The following CPEB3 variants were observed in gnomAD, a reference collection of about 807,000 sequenced individuals.
The protein encoded by CPEB3 is cytoplasmic polyadenylation element-binding protein 3.
Under a neutral mutation model 67.2 loss-of-function variants are expected in CPEB3, and 20 were observed. The ratio of observed to expected loss-of-function variants is 0.30; its 90% confidence interval spans 0.21 to 0.43. The LOEUF (loss-of-function observed/expected upper bound fraction) is 0.43. CPEB3 is among the 20% of genes least tolerant of loss of function. The probability of loss-of-function intolerance (pLI) is 1.00; values close to 1 mark genes in which losing one functional copy is unlikely to be tolerated. For synonymous variants in CPEB3, 376 were observed against 393.1 expected (o/e 0.96, Z 0.51); for missense variants, 746 against 968.6 (o/e 0.77, Z 3.05).
chr10:92,284,897 G>A (rs957955959), intron 1 of CPEB3, among the ~76,000 whole-genome samples: 5 of 152,046 alleles, frequency 3.3e-5, no homozygotes, highest in East Asian at 3.8e-4. Flanking sequence ...CTATTCTCCC[G>A]ATTTAACCAG....
intron 5 of CPEB3, 80 bp downstream of exon 5, chr10:92,144,865 G>T: frequency 1.5e-6 from 2 of 1,304,822 alleles, no homozygotes; most frequent in Non-Finnish European, 2.2e-6. Context: ...TCCTAAAGTT[G>T]ACTTGGAGAG....
chr10:92,245,206 C>T (rs1229751732), intron 1 of CPEB3, among the ~76,000 whole-genome samples: 7 of 134,756 alleles, frequency 5.2e-5, no homozygotes, highest in African/African-American at 2.0e-4. Context: ...GGTGTGATCT[C>T]GGCTCACTGC....
chr10:92,274,707 G>A (rs1335176405), intron 1 of CPEB3, among the ~76,000 whole-genome samples: 1 of 152,034 alleles, frequency 6.6e-6, no homozygotes, highest in African/African-American at 2.4e-5. Context: ...TGGGTGTGGT[G>A]GTGCACGCCT....
At chr10:92,173,654 G>A (rs945417852) in intron 4 of CPEB3, among the ~76,000 whole-genome samples, 11 of 152,130 alleles carry the variant, frequency 7.2e-5, no homozygotes, top group Non-Finnish European at 1.2e-4. Flanking sequence ...AAGAGGCTCT[G>A]CTCCTAGCTC....
In CPEB3 at chr10:92,239,900, A is replaced by G; in HGVS notation, c.451T>C (p.Phe151Leu). The change falls in exon 2 of 10, where the codon TTC (phenylalanine) becomes CTC (leucine). Residue 151 changes from phenylalanine (F) to leucine (L), a missense_variant. This residue lies in a region of CPEB3 where 643 missense variants were observed against 717.5 expected (regional missense o/e 0.90). Transcript: ENST00000265997. This position sits in a 1 kb window ranked among gnomAD's most constrained non-coding sequence, Gnocchi z 6.0. ...TGCGCCAGGCCGATCTGCGGGGAGA[A>G]AGTGCCTCCGAAGACTGGGTTGACA... ...HHVNPVFGGT[F>L]SPQIGLAQTQ... The G allele has an allele frequency of 6.2e-7, 1 of 1,612,722 alleles. No homozygotes were observed. The highest frequency in any genetic ancestry group is 8.5e-7 in the Non-Finnish European group (1 of 1,179,374).
intron 8 of CPEB3, among the ~76,000 whole-genome samples, chr10:92,082,452 G>T (rs1222902904): frequency 6.6e-6 from 1 of 151,992 alleles, no homozygotes; most frequent in Non-Finnish European, 1.5e-5. Flanking sequence ...CTAATTTTTT[G>T]TATTTTTAGT....
intron 3 of CPEB3, among the ~76,000 whole-genome samples, chr10:92,181,620 T>A (rs1848467127): frequency 6.6e-6 from 1 of 152,204 alleles, no homozygotes; most frequent in Non-Finnish European, 1.5e-5. Context: ...AATCTCCACA[T>A]GTTCATCCTT....
At chr10:92,151,862 A>C (rs1846982352) in intron 4 of CPEB3, among the ~76,000 whole-genome samples, 1 of 152,018 alleles carries the variant, frequency 6.6e-6, no homozygotes, top group African/African-American at 2.4e-5. Context: ...TAATTTGTTC[A>C]CTTCTCTCCA....
chr10:92,194,421 T>C (rs981866634), intron 2 of CPEB3, among the ~76,000 whole-genome samples: 8 of 151,524 alleles, frequency 5.3e-5, no homozygotes, highest in Admixed American at 1.3e-4. Context: ...CCTGGCGACA[T>C]AGCAAGACTC....
intron 4 of CPEB3, among the ~76,000 whole-genome samples, chr10:92,152,945 G>GA (rs1847031942): frequency 6.6e-6 from 1 of 152,236 alleles, no homozygotes; most frequent in African/African-American, 2.4e-5. Context: ...GGAAGGCCCA[G>GA]AAAATCCCTC....
At chr10:92,144,481 G>T (rs553597328) in intron 5 of CPEB3, among the ~76,000 whole-genome samples, 1 of 152,202 alleles carries the variant, frequency 6.6e-6, no homozygotes, top group South Asian at 2.1e-4. Context: ...GCCCAGGCTG[G>T]TCTTGAACCC....
intron 6 of CPEB3, among the ~76,000 whole-genome samples, chr10:92,142,181 T>C (rs1834807610): frequency 6.6e-6 from 1 of 152,124 alleles, no homozygotes; most frequent in South Asian, 2.1e-4. Context: ...CTTGCCTTCC[T>C]CAGGTTAAGC....
intron 1 of CPEB3, among the ~76,000 whole-genome samples, chr10:92,242,920 T>C (rs1049676644): frequency 6.6e-6 from 1 of 152,188 alleles, no homozygotes; most frequent in Non-Finnish European, 1.5e-5. Context: ...AAACAAAAGG[T>C]AAGCAATAGA....
chr10:92,259,381 C>T (rs1404795265), intron 1 of CPEB3, among the ~76,000 whole-genome samples: 1 of 151,952 alleles, frequency 6.6e-6, no homozygotes, highest in East Asian at 2.0e-4. Flanking sequence ...GTGGGCAGAT[C>T]ACCTGAGGTC....
chr10:92,160,745 G>A (rs918830581), intron 4 of CPEB3, among the ~76,000 whole-genome samples: 8 of 152,314 alleles, frequency 5.3e-5, no homozygotes, highest in African/African-American at 1.7e-4. Context: ...AAAGGATAAA[G>A]GAGAATGTTG....
chr10:92,270,271 C>A (rs1853247402), intron 1 of CPEB3, among the ~76,000 whole-genome samples: 1 of 152,138 alleles, frequency 6.6e-6, no homozygotes, highest in Admixed American at 6.5e-5. Flanking sequence ...ACATATGAAA[C>A]CCCTGGTTTA....
intron 9 of CPEB3, among the ~76,000 whole-genome samples, chr10:92,074,295 C>T (rs965510700): frequency 6.6e-5 from 10 of 152,118 alleles, no homozygotes; most frequent in African/African-American, 1.7e-4. Context: ...AACTCATTCA[C>T]GCATTAATTC....
chr10:92,251,277 T>C (rs978463577), intron 1 of CPEB3, among the ~76,000 whole-genome samples: 3 of 152,146 alleles, frequency 2.0e-5, no homozygotes, highest in Admixed American at 6.5e-5. Context: ...ATCCCCTTTG[T>C]TGGTAAGCAA....
Position 92,193,364 on chromosome 10 carries a change from G to A in CPEB3, c.1006-728C>T, listed in dbSNP as rs542576328. 3.9e-5 allele frequency among the ~76,000 whole-genome samples: 6 copies of A among 152,216 alleles called. No homozygotes were observed. The East Asian group carries it at 5.8e-4, about 15-fold the overall frequency. On this transcript the variant is annotated intron_variant, in intron 2 of 9. Transcript: ENST00000265997. ...ACTAAAATAGTAAATTTAAAAGGAC[G>A]AGTCAAGTTAATTGGTTTTGCTCTC...
Sources: gnomAD v4.1 joint callset for allele counts (sites outside exome capture counted in the v4.1 genomes callset) on GRCh38, gnomAD v4.1.1 for gene constraint, gnomAD v4.1.1 regional missense constraint, Gnocchi (gnomAD v3.1) non-coding constraint, MANE v1.5 for transcripts, NCBI Gene and HGNC (gene_info 2026-07-23, HGNC 2026-07-21) for gene names.